Variants in KLF8 observed in about 807,000 individuals in gnomAD.
KLF8 encodes KLF transcription factor 8.
KLF8 carries 10 observed loss-of-function variants against 18.2 expected under a neutral mutation model. The ratio of observed to expected loss-of-function variants is 0.55; its 90% confidence interval spans 0.34 to 0.93. KLF8 has a LOEUF of 0.93. Among genes scored for constraint, KLF8 ranks in the 40% least tolerant of loss-of-function variants. KLF8 has a pLI of 0.02. For missense variants in KLF8, 264 were observed against 277.9 expected (o/e 0.95, Z 0.36); for synonymous variants, 109 against 97.3 (o/e 1.12, Z -0.71).
At chrX:55,999,297 TGCTTCG>T in the KLF8 span, among the ~76,000 whole-genome samples, 26 of 92,509 alleles carry the variant, frequency 2.8e-4, no homozygotes, top group Middle Eastern at 5.3e-3. Flanking sequence ...TTTTTTTTTT[TGCTTCG>T]TTTTGTTTTG....
chrX:56,100,517 G>A, the KLF8 span, among the ~76,000 whole-genome samples: 1 of 112,027 alleles, frequency 8.9e-6, no homozygotes, highest in African/African-American at 3.2e-5. Flanking sequence ...ATGGATCTTA[G>A]CAAAGTAAAT....
chrX:56,172,215 T>G, the KLF8 span, among the ~76,000 whole-genome samples: 2 of 110,796 alleles, frequency 1.8e-5, no homozygotes, highest in Non-Finnish European at 3.8e-5. Context: ...CATTAACATG[T>G]CATTTAACAT....
chrX:56,000,118 A>G, the KLF8 span, among the ~76,000 whole-genome samples: 1 of 111,226 alleles, frequency 9.0e-6, no homozygotes, highest in African/African-American at 3.3e-5. Flanking sequence ...TTTTGTTTTT[A>G]ATCCTGTTTT....
the KLF8 span, among the ~76,000 whole-genome samples, chrX:55,988,723 T>C: frequency 8.9e-6 from 1 of 111,779 alleles, no homozygotes; most frequent in Non-Finnish European, 1.9e-5. Flanking sequence ...AAGTAGTTTT[T>C]TCCAATTCTG....
At chrX:56,095,262 T>C in the KLF8 span, among the ~76,000 whole-genome samples, 1 of 112,348 alleles carries the variant, frequency 8.9e-6, no homozygotes, top group South Asian at 3.6e-4. Context: ...GAAAATTAAA[T>C]GGCTACATGC....
At chrX:56,095,312 A>T in the KLF8 span, among the ~76,000 whole-genome samples, 2 of 112,688 alleles carry the variant, frequency 1.8e-5, no homozygotes, top group African/African-American at 6.4e-5. Flanking sequence ...ACCATATACA[A>T]AAACTAACTC....
the KLF8 span, among the ~76,000 whole-genome samples, chrX:55,933,686 G>A: frequency 1.8e-5 from 2 of 111,996 alleles, no homozygotes; most frequent in Admixed American, 9.5e-5. Flanking sequence ...ACTAATGAGT[G>A]TGTGCATGCA....
intron 3 of KLF8, 86 bp downstream of exon 3, chrX:56,265,830 T>C: frequency 9.0e-7 from 1 of 1,107,888 alleles, no homozygotes; most frequent in Admixed American, 3.2e-5. Flanking sequence ...TTTCACTTCC[T>C]CCAATTATTC....
chrX:56,225,851 A>G, the KLF8 span, among the ~76,000 whole-genome samples: 23 of 112,414 alleles, frequency 2.0e-4, no homozygotes, highest in South Asian at 7.4e-4. Context: ...ATTCCATTCT[A>G]CAAACTTTTA....
the KLF8 span, among the ~76,000 whole-genome samples, chrX:56,050,661 A>G: frequency 1.6e-4 from 18 of 112,030 alleles, no homozygotes; most frequent in Admixed American, 7.6e-4. Context: ...GTTCTTTTAC[A>G]TTTGCTGAGG....
At chrX:56,122,826 T>A in the KLF8 span, among the ~76,000 whole-genome samples, 1 of 111,083 alleles carries the variant, frequency 9.0e-6, no homozygotes, top group Non-Finnish European at 1.9e-5. Context: ...TGGGCTCAAG[T>A]GATCCTCCTG....
the KLF8 span, among the ~76,000 whole-genome samples, chrX:55,944,563 G>A: frequency 1.1e-4 from 12 of 111,366 alleles, no homozygotes; most frequent in African/African-American, 3.6e-4. Flanking sequence ...GTCTTGGCAG[G>A]GTGTATGTGT....
chrX:56,044,209 C>G, the KLF8 span, among the ~76,000 whole-genome samples: 4 of 58,814 alleles, frequency 6.8e-5, no homozygotes, highest in African/African-American at 2.7e-4. Context: ...GGGGTACTGA[C>G]CTGTTCCTGG....
the KLF8 span, among the ~76,000 whole-genome samples, chrX:56,146,554 G>A: frequency 9.0e-6 from 1 of 110,525 alleles, no homozygotes; most frequent in Non-Finnish European, 1.9e-5. Context: ...ACACGCTGGG[G>A]CCTGTCTGGA....
the KLF8 span, among the ~76,000 whole-genome samples, chrX:56,020,222 G>A: frequency 9.0e-6 from 1 of 111,676 alleles, no homozygotes; most frequent in East Asian, 2.8e-4. Flanking sequence ...ATTTAGGACA[G>A]CACTTTTATT....
chrX:56,113,787 A>G, the KLF8 span, among the ~76,000 whole-genome samples: 1 of 110,326 alleles, frequency 9.1e-6, no homozygotes. Context: ...GGTCCCCTTC[A>G]TCCAGAGCTG....
chrX:55,967,295 A>G, the KLF8 span, among the ~76,000 whole-genome samples: 1 of 111,519 alleles, frequency 9.0e-6, no homozygotes, highest in East Asian at 2.8e-4. Flanking sequence ...TTTAACCAAC[A>G]ATTGTCTCAA....
chrX:55,915,125 G>C, the KLF8 span, among the ~76,000 whole-genome samples: 1 of 110,476 alleles, frequency 9.1e-6, no homozygotes, highest in Non-Finnish European at 1.9e-5. Flanking sequence ...ATGATTACTA[G>C]TCAGAGTAGT....
At chrX:55,964,814 G>A in the KLF8 span, among the ~76,000 whole-genome samples, 15 of 111,224 alleles carry the variant, frequency 1.3e-4, no homozygotes, top group East Asian at 2.3e-3. Flanking sequence ...GAACATATTC[G>A]TGAATTCCTG....
Sources: gnomAD v4.1 joint callset for allele counts (sites outside exome capture counted in the v4.1 genomes callset) on GRCh38, gnomAD v4.1.1 for gene constraint, MANE v1.5 for transcripts, NCBI Gene and HGNC (gene_info 2026-07-23, HGNC 2026-07-21) for gene names.